The following TMEM209 variants were observed in gnomAD, a reference collection of about 807,000 sequenced individuals.
TMEM209 encodes the protein testicular tissue protein Li 202.
Under a neutral mutation model 76.2 loss-of-function variants are expected in TMEM209, and 65 were observed. That is an observed-to-expected ratio of 0.85 (90% CI 0.70 to 1.05). The LOEUF is 1.05. Among genes scored for constraint, TMEM209 ranks in the 50% least tolerant of loss-of-function variants. The pLI is 0.00. For missense variants in TMEM209, 623 were observed against 685.5 expected, an observed-to-expected ratio of 0.91 and a Z score of 1.02; for synonymous variants, 239 against 237.6, an observed-to-expected ratio of 1.01 and a Z score of -0.06.
chr7:130,190,920 G>A (rs1223820234), intron 6 of TMEM209, among the ~76,000 whole-genome samples: 4 of 151,256 alleles, frequency 2.6e-5, no homozygotes, highest in African/African-American at 7.3e-5. Context: ...GCACCTGAGC[G>A]CTGAATTCAA....
At chr7:130,184,478 A>C (rs1797526724) in intron 7 of TMEM209, among the ~76,000 whole-genome samples, 2 of 146,026 alleles carry the variant, frequency 1.4e-5, no homozygotes, top group South Asian at 4.3e-4. Context: ...GGTATGTGTA[A>C]AGAACATTTT....
intron 6 of TMEM209, 58 bp from the exon 7 acceptor site, chr7:130,185,425 T>A: frequency 6.7e-7 from 1 of 1,483,528 alleles, no homozygotes; most frequent in Non-Finnish European, 9.3e-7. Flanking sequence ...CATCTACAGT[T>A]AACACTTATA....
In TMEM209 at chr7:130,192,725, G is replaced by C; in HGVS notation, c.672C>G (p.Thr224=). 6.2e-7 allele frequency: 1 copy of C among 1,613,840 alleles called. No homozygotes were observed. Among genetic ancestry groups the C allele is most frequent in the Non-Finnish European group, 8.5e-7 (1 of 1,179,788 alleles). Residue 224 remains threonine, a synonymous_variant, in exon 6 of 15, where the codon ACC becomes ACG. Coordinates refer to ENST00000397622, the MANE Select transcript of TMEM209 (RefSeq NM_032842.4). ...GLRSRYRSSP[T]VYNSPTDKED... ...CTTTGTCAGTAGGTGAGTTGTAGAC[G>C]GTAGGTGAAGAACGGTAGCGAGATC... is the stretch of plus-strand genomic sequence containing the variant.
At position 130,185,260 on chromosome 7, in the gene TMEM209, A is replaced by T; in HGVS notation, c.883T>A (p.Cys295Ser). 6.2e-7 allele frequency: 1 copy of T among 1,614,030 alleles called. No individual in the cohort carries two copies. Among genetic ancestry groups the T allele is most frequent in the Non-Finnish European group, 8.5e-7 (1 of 1,179,896 alleles). The change falls in exon 7 of 15, where the codon TGT becomes AGT. Residue 295 changes from cysteine (C) to serine (S), a missense_variant. Physicochemically the swap from Cys to Ser is moderately radical, Grantham distance 112 (BLOSUM62 -1). Transcript: ENST00000397622. Reference sequence around the variant, plus strand: ...TTAGCACATGGGGCCTGAGACCTACAGGCAAGCTGATACTGAAACTTCTTT... The same window carrying T: ...TTAGCACATGGGGCCTGAGACCTACTGGCAAGCTGATACTGAAACTTCTTT... ...TLKKFQYQLACRSQAPCANKD... is the reference protein window; with the variant it reads ...TLKKFQYQLASRSQAPCANKD...
intron 4 of TMEM209, 79 bp from the exon 5 acceptor site, chr7:130,202,170 C>A: frequency 6.7e-7 from 1 of 1,494,736 alleles, no homozygotes; most frequent in Admixed American, 2.3e-5. Context: ...GCAACTAAGT[C>A]TTTCTCTTAA....
At chr7:130,169,180 G>A (rs1230194552) in intron 14 of TMEM209, among the ~76,000 whole-genome samples, 1 of 140,066 alleles carries the variant, frequency 7.1e-6, no homozygotes, top group Non-Finnish European at 1.5e-5. Flanking sequence ...AGGTGACAGA[G>A]CGAGACTCCA....
chr7:130,171,164 T>C (rs10280523), intron 13 of TMEM209, among the ~76,000 whole-genome samples: 151,299 of 152,292 alleles, frequency 0.99, 75,159 homozygotes, highest in Middle Eastern at 1. Context: ...ACTACACATA[T>C]AAAAATGGTC....
In TMEM209 at chr7:130,166,424, A is replaced by G. The variant is rs192388531; in HGVS notation, c.*27T>C. The G allele has an allele frequency of 3.1e-5, 47 of 1,527,090 alleles. No individual in the cohort carries two copies. The Admixed American group carries it at 7.3e-4, about 24-fold the overall frequency. 94.6% of individuals were successfully genotyped at this position (1,527,090 alleles called of 1,614,324 possible). Reference sequence around the variant, plus strand: ...GACTTCTGGTTCAGTGAAATAGTCTAAATGTCAGAATTAAATATATGACTT... The same window carrying G: ...GACTTCTGGTTCAGTGAAATAGTCTGAATGTCAGAATTAAATATATGACTT... On this transcript the variant is annotated 3_prime_UTR_variant, in exon 15 of 15. Transcript: ENST00000397622.
chr7:130,176,181 C>T (rs1309624901), intron 10 of TMEM209, among the ~76,000 whole-genome samples: 2 of 148,662 alleles, frequency 1.3e-5, no homozygotes, highest in African/African-American at 2.5e-5. Flanking sequence ...AGTGTGATCT[C>T]GGCTCACTGC....
rs779662205 is a variant in TMEM209 at position 130,204,099 on chromosome 7, C to A, written c.15G>T (p.Glu5Asp). MMQG[E>D]AHPSASLIDR... ...CAATAAGGGAAGCACTAGGGTGTGC[C>A]TCCCCCTGCATCTATGAAAAAACAA... Residue 5 changes from glutamate to aspartate, a missense_variant, in exon 2 of 15, where the codon GAG becomes GAT. Coordinates refer to ENST00000397622, the MANE Select transcript of TMEM209 (RefSeq NM_032842.4). 10 of 1,609,726 alleles carry A rather than the reference C, an allele frequency of 6.2e-6. No homozygotes were observed. The South Asian group carries it at 1.0e-4, about 16-fold the overall frequency.
chr7:130,173,886 C>A lies in TMEM209; in HGVS notation c.1398G>T (p.Pro466=). Residue 466 remains proline, a synonymous_variant, in exon 12 of 15, where the codon CCG becomes CCT. Coordinates refer to ENST00000397622, the MANE Select transcript of TMEM209 (RefSeq NM_032842.4). ...TAAAAGTTTTTCCGTCGGGATACTT[C>A]GGATGTGGAGGTAATCTGGAATCAA... ...TYLDSRLPPH[P]KYPDGKTFTS... The A allele has an allele frequency of 6.2e-7, 1 of 1,613,814 alleles. No homozygotes were observed. Among genetic ancestry groups the A allele is most frequent in the Non-Finnish European group, 8.5e-7 (1 of 1,179,810 alleles).
At chr7:130,188,351 C>T (rs1404025682) in intron 6 of TMEM209, among the ~76,000 whole-genome samples, 1 of 152,110 alleles carries the variant, frequency 6.6e-6, no homozygotes, top group African/African-American at 2.4e-5. Flanking sequence ...AATCCCAGCA[C>T]TTTGGGAGGC....
intron 14 of TMEM209, among the ~76,000 whole-genome samples, chr7:130,169,239 C>T (rs1316293760): frequency 6.8e-6 from 1 of 147,694 alleles, no homozygotes; most frequent in Non-Finnish European, 1.5e-5. Context: ...TATTTGTTTA[C>T]ACATTTTTGT....
At chr7:130,172,838 A>C (rs1797115186) in intron 13 of TMEM209, among the ~76,000 whole-genome samples, 1 of 151,784 alleles carries the variant, frequency 6.6e-6, no homozygotes, top group Admixed American at 6.6e-5. Flanking sequence ...ATCTCTACTA[A>C]AATACAAAAA....
In TMEM209 at chr7:130,184,271, T is replaced by C. The variant is rs1269176709; in HGVS notation, c.952-16A>G. On this transcript the variant is annotated splice_polypyrimidine_tract_variant and intron_variant, in intron 7 of 14. Transcript: ENST00000397622. ...TTGCCCAGACCTATAAAAATTCATG[T>C]TTAAAATGAACAATCAGTGAGGAAA... 3 of 1,568,806 alleles carry C rather than the reference T, an allele frequency of 1.9e-6. No homozygotes were observed. The highest frequency in any genetic ancestry group is 2.7e-5 in the African/African-American group (2 of 73,890).
chr7:130,205,006 G>GCCGTATCATTAA, intron 1 of TMEM209: 1 of 1,185,668 alleles, frequency 8.4e-7, no homozygotes, highest in South Asian at 2.3e-5. Flanking sequence ...GGAGAGAGGG[G>GCCGTATCATTAA]AAAACGTGCA....
chr7:130,191,361 G>A (rs997284224), intron 6 of TMEM209, among the ~76,000 whole-genome samples: 6 of 151,538 alleles, frequency 4.0e-5, no homozygotes, highest in African/African-American at 7.3e-5. Flanking sequence ...GACAATCAAC[G>A]GGAGCTTTTG....
At chr7:130,169,617 G>A (rs1287439944) in intron 14 of TMEM209, among the ~76,000 whole-genome samples, 1 of 152,160 alleles carries the variant, frequency 6.6e-6, no homozygotes, top group African/African-American at 2.4e-5. Flanking sequence ...TGTGCTGGAT[G>A]GCACAGTTCT....
intron 1 of TMEM209, 94 bp from the exon 2 acceptor site, chr7:130,204,204 C>T (rs1798336737): frequency 7.9e-7 from 1 of 1,269,146 alleles, no homozygotes; most frequent in South Asian, 1.6e-5. Flanking sequence ...GTAACTGAAA[C>T]CGCATATACC....
Sources: gnomAD v4.1 joint callset for allele counts (sites outside exome capture counted in the v4.1 genomes callset) on GRCh38, gnomAD v4.1.1 for gene constraint, MANE v1.5 for transcripts, NCBI Gene and HGNC (gene_info 2026-07-23, HGNC 2026-07-21) for gene names.